TMTC1: variants seen among roughly 807,000 people sequenced by gnomAD.
TMTC1 encodes transmembrane O-mannosyltransferase targeting cadherins 1.
A neutral mutation model predicts 104.8 loss-of-function variants in TMTC1; 73 were observed. The ratio of observed to expected loss-of-function variants is 0.70; its 90% CI spans 0.58 to 0.85. The LOEUF is 0.85. TMTC1 is among the 40% of genes least tolerant of loss of function. The pLI, the probability that TMTC1 is intolerant of heterozygous loss-of-function variation, is 0.00. For synonymous variants in TMTC1, 434 were observed against 428.7 expected (o/e 1.01, Z -0.15); for missense variants, 1,035 against 1,096.1 (o/e 0.94, Z 0.79).
chr12:29,568,051 C>T (rs1945566634), intron 9 of TMTC1, among the ~76,000 whole-genome samples: 1 of 152,110 alleles, frequency 6.6e-6, no homozygotes, highest in Admixed American at 6.6e-5. Context: ...TACAAAGTTC[C>T]TGTGATCCAT....
In TMTC1 at chr12:29,599,993, C is replaced by CATATATATATATAT. The variant is rs71444331; in HGVS notation, c.1250+4171_1250+4184dup. Among the ~76,000 whole-genome samples, 401 of 81,774 alleles carry CATATATATATATAT rather than the reference C, an allele frequency of 4.9e-3. 15 individuals are homozygous for CATATATATATATAT. The highest frequency in any genetic ancestry group is 0.025 in the African/African-American group (376 of 15,068). The allele number at this position is 81,774 out of a possible 152,430, so 53.6% of individuals were successfully genotyped here. On this transcript the variant is annotated intron_variant, in intron 7 of 17. Transcript: ENST00000539277. ...ATGTGTGTGTGTGTGTGTGTATATA[C>CATATATATATATAT]ATATATATATATATATTTTTTTTTT...
rs558666115 is a variant in TMTC1, at chr12:29,556,904, G to C, written c.1629C>G (p.Leu543=). 6 of 1,614,072 alleles carry C rather than the reference G, an allele frequency of 3.7e-6. No individual in the cohort carries two copies. In the African/African-American group the frequency reaches 8.0e-5, roughly 22 times the overall value. The part of the protein sequence containing the change: ...AKMYYQRALQ[L]HPQHNRALFN... ...AAAGAGCCCGGTTATGCTGTGGATG[G>C]AGCTGGAGAGCCCTCTGATAGTACA... is the stretch of plus-strand genomic sequence containing the variant. The change falls in exon 10 of 18, where the codon CTC becomes CTG. Residue 543 remains leucine (L), a synonymous_variant. Coordinates refer to ENST00000539277, the MANE Select transcript of TMTC1 (RefSeq NM_001193451.2).
chr12:29,743,398 T>C lies in TMTC1; in HGVS notation c.938+8268A>G, dbSNP rs143227454. 2.6e-5 allele frequency among the ~76,000 whole-genome samples: 4 copies of C among 152,328 alleles called. No homozygotes were observed. The East Asian group carries it at 7.7e-4, about 29-fold the overall frequency. On this transcript the variant is annotated intron_variant, in intron 5 of 17. Transcript: ENST00000539277. The stretch of plus-strand genomic sequence containing the variant: ...GTGGTACTCATAATGTTGATCATGA[T>C]GAAAATCACAATCATCATGCTTGCT...
At position 29,767,977 on chromosome 12, in the gene TMTC1, T is replaced by A; in HGVS notation, c.401A>T (p.Asp134Val). Residue 134 changes from aspartate to valine, a missense_variant, in exon 2 of 18, where the codon GAT becomes GTT. By Grantham distance (152) the Asp-to-Val change is radical. Coordinates refer to ENST00000539277, the MANE Select transcript of TMTC1 (RefSeq NM_001193451.2). ...LVTLVLMYTC[D>V]KTVFKNRGLA... ...TCCACGATTCTTGAAGACAGTTTTA[T>A]CACAGGTGTACATCAGCACAAGAGT... 1 of 1,613,938 alleles carries A rather than the reference T, an allele frequency of 6.2e-7. No homozygotes were observed. The highest frequency in any genetic ancestry group is 1.1e-5 in the South Asian group (1 of 91,072).
intron 8 of TMTC1, 39 bp from the exon 9 acceptor site, chr12:29,572,257 AG>A: frequency 6.9e-7 from 1 of 1,456,740 alleles, no homozygotes; most frequent in South Asian, 1.2e-5. Context: ...TATTTGACAA[AG>A]AATATTATTG....
At chr12:29,508,121 A>G (rs1032840091) in intron 17 of TMTC1, among the ~76,000 whole-genome samples, 1 of 152,212 alleles carries the variant, frequency 6.6e-6, no homozygotes, top group Non-Finnish European at 1.5e-5. Context: ...AATAGTGTCT[A>G]TTTCTTACTG....
intron 17 of TMTC1, among the ~76,000 whole-genome samples, chr12:29,509,315 C>T (rs770710628): frequency 1.6e-4 from 25 of 152,202 alleles, no homozygotes; most frequent in Non-Finnish European, 3.4e-4. Flanking sequence ...TGTAAAACTT[C>T]ATAAGAAGCG....
intron 11 of TMTC1, among the ~76,000 whole-genome samples, chr12:29,524,957 T>C (rs929623068): frequency 6.6e-6 from 1 of 152,078 alleles, no homozygotes; most frequent in Non-Finnish European, 1.5e-5. Context: ...AGCAGAAAAG[T>C]CTTGATCTGT....
rs188114592 is a variant in TMTC1, at chr12:29,673,416, A to G, written c.939-40080T>C. ...TCAATATTGTGAAAATCAGAAATCC[A>G]TAATAATTAAGTCTACATGATTATT... On this transcript the variant is annotated intron_variant, in intron 5 of 17. Coordinates refer to ENST00000539277, the MANE Select transcript of TMTC1 (RefSeq NM_001193451.2). Among the ~76,000 whole-genome samples the G allele has an allele frequency of 5.2e-3, 795 of 152,308 alleles. 10 individuals are homozygous for G. Among genetic ancestry groups the G allele is most frequent in the African/African-American group, 0.017 (720 of 41,570 alleles).
rs974400097 is a variant in TMTC1 at position 29,754,185 on chromosome 12, A to G, written c.731+1524T>C. 7.2e-5 allele frequency among the ~76,000 whole-genome samples: 11 copies of G among 152,150 alleles called. No homozygotes were observed. The South Asian group carries it at 2.1e-3, about 29-fold the overall frequency. On this transcript the variant is annotated intron_variant, in intron 4 of 17. Transcript: ENST00000539277. ...CAGCCTAAAAGTTTCTTTAAAAAAA[A>G]AAAAAAAAAAGACCCAGACTGAGCT...
intron 5 of TMTC1, among the ~76,000 whole-genome samples, chr12:29,724,277 T>C (rs946770394): frequency 6.6e-6 from 1 of 152,212 alleles, no homozygotes; most frequent in African/African-American, 2.4e-5. Context: ...TGGAGCATCA[T>C]GAACACGCAA....
chr12:29,621,543 C>G (rs904033443), intron 6 of TMTC1, among the ~76,000 whole-genome samples: 1 of 152,138 alleles, frequency 6.6e-6, no homozygotes, highest in African/African-American at 2.4e-5. Context: ...TCTATCCTAC[C>G]GTATTGTGTT....
At chr12:29,755,335 G>A (rs1943188765) in intron 4 of TMTC1, among the ~76,000 whole-genome samples, 1 of 152,156 alleles carries the variant, frequency 6.6e-6, no homozygotes, top group Admixed American at 6.5e-5. Context: ...TGCAAATGCA[G>A]GGATTCAAAG....
chr12:29,547,867 A>C (rs1239833276), intron 10 of TMTC1, among the ~76,000 whole-genome samples: 1 of 152,244 alleles, frequency 6.6e-6, no homozygotes, highest in African/African-American at 2.4e-5. Flanking sequence ...TTGGAAGAGC[A>C]AAATAATGCA....
chr12:29,600,473 A>T (rs1946534788), intron 7 of TMTC1, among the ~76,000 whole-genome samples: 1 of 152,264 alleles, frequency 6.6e-6, no homozygotes, highest in East Asian at 1.9e-4. Flanking sequence ...CTCATCCTGG[A>T]CCACCTCAAT....
At chr12:29,560,216 C>T (rs967138479) in intron 9 of TMTC1, among the ~76,000 whole-genome samples, 18 of 152,178 alleles carry the variant, frequency 1.2e-4, no homozygotes, top group Admixed American at 2.6e-4. Context: ...TTCCCTTCCC[C>T]GTCCAGAAAA....
intron 5 of TMTC1, among the ~76,000 whole-genome samples, chr12:29,670,668 C>T (rs1289873498): frequency 6.6e-6 from 1 of 152,080 alleles, no homozygotes; most frequent in Non-Finnish European, 1.5e-5. Flanking sequence ...GTGGCTCATG[C>T]CTGTGATCCC....
intron 5 of TMTC1, among the ~76,000 whole-genome samples, chr12:29,736,279 A>T (rs975051353): frequency 6.7e-6 from 1 of 150,352 alleles, no homozygotes; most frequent in African/African-American, 2.5e-5. Flanking sequence ...AAAAAAAAAA[A>T]AGGACCGGAA....
intron 5 of TMTC1, among the ~76,000 whole-genome samples, chr12:29,676,508 T>G (rs1414971041): frequency 6.6e-6 from 1 of 152,164 alleles, no homozygotes; most frequent in African/African-American, 2.4e-5. Flanking sequence ...AGAATCAAAC[T>G]CCAGAGCATA....
Sources: allele counts gnomAD v4.1 joint callset (sites outside exome capture counted in the v4.1 genomes callset), GRCh38; gene constraint gnomAD v4.1.1; transcripts MANE v1.5; gene names NCBI Gene and HGNC (gene_info 2026-07-23, HGNC 2026-07-21).